Variants in PLAG1 observed in about 807,000 individuals in gnomAD.
PLAG1 encodes zinc finger protein PLAG1.
A neutral mutation model predicts 35.5 loss-of-function variants in PLAG1; 7 were observed. The observed-to-expected ratio is 0.20, with a 90% CI of 0.11 to 0.37. The LOEUF is 0.37. Ranked by LOEUF, PLAG1 falls within the 10% of genes least tolerant of loss-of-function variation. PLAG1 has a pLI of 1.00. For missense variants in PLAG1, 454 were observed against 602.8 expected, an observed-to-expected ratio of 0.75 and a Z score of 2.58; for synonymous variants, 229 against 225.4, an observed-to-expected ratio of 1.02 and a Z score of -0.14.
At chr8:56,175,547 A>G (rs1242749571) in intron 2 of PLAG1, among the ~76,000 whole-genome samples, 1 of 152,234 alleles carries the variant, frequency 6.6e-6, no homozygotes, top group East Asian at 1.9e-4. Context: ...ATAGTTAACT[A>G]AAGTTAATCA....
chr8:56,201,461 T>C (rs2129234353), intron 1 of PLAG1, among the ~76,000 whole-genome samples: 1 of 152,326 alleles, frequency 6.6e-6, no homozygotes, highest in African/African-American at 2.4e-5. Flanking sequence ...TTGATAAATT[T>C]CCCCAATTCC....
chr8:56,199,797 C>G (rs968837479), intron 1 of PLAG1, among the ~76,000 whole-genome samples: 1 of 152,128 alleles, frequency 6.6e-6, no homozygotes, highest in Non-Finnish European at 1.5e-5. Context: ...AAAGAGGGCA[C>G]TGACAGTCCC....
chr8:56,167,457 A>C lies in PLAG1; in HGVS notation c.289T>G (p.Cys97Gly). 1 of 1,612,714 alleles carries C rather than the reference A, an allele frequency of 6.2e-7. No homozygotes were observed. The highest frequency in any genetic ancestry group is 8.5e-7 in the Non-Finnish European group (1 of 1,179,186). Residue 97 changes from cysteine to glycine, a missense_variant, in exon 5 of 5, where the codon TGT (cysteine) becomes GGT (glycine). Physicochemically the swap from Cys to Gly is radical, Grantham distance 159. Coordinates refer to ENST00000316981, the MANE Select transcript of PLAG1 (RefSeq NM_002655.3). The surrounding 1 kb of genome is among the most constrained non-coding windows in gnomAD (Gnocchi z 5.9). ...SPEKTHKCNY[C>G]EKMFHRKDHL... ...TCTTTCCGGTGAAACATTTTCTCAC[A>C]ATAATTACACTTGTGGGTTTTCTCA... is the stretch of plus-strand genomic sequence containing the variant.
chr8:56,179,023 CAAAAA>C (rs1173709224), intron 2 of PLAG1, among the ~76,000 whole-genome samples: 2 of 42,942 alleles, frequency 4.7e-5, no homozygotes, highest in Admixed American at 3.0e-4. Flanking sequence ...GCCCAGGAGA[CAAAAA>C]AAAAAAAAAA....
At chr8:56,205,553 G>T (rs2129235601) in intron 1 of PLAG1, among the ~76,000 whole-genome samples, 1 of 151,688 alleles carries the variant, frequency 6.6e-6, no homozygotes, top group Admixed American at 6.6e-5. Context: ...CTTGTAGTTG[G>T]TTATTATTTA....
intron 2 of PLAG1, among the ~76,000 whole-genome samples, chr8:56,176,109 G>A (rs1811684410): frequency 6.7e-6 from 1 of 150,324 alleles, no homozygotes; most frequent in African/African-American, 2.5e-5. Context: ...GAGTACAGTG[G>A]TGCAATCTCG....
intron 1 of PLAG1, among the ~76,000 whole-genome samples, chr8:56,202,960 A>C (rs1299596186): frequency 6.6e-6 from 1 of 152,194 alleles, no homozygotes; most frequent in Non-Finnish European, 1.5e-5. Flanking sequence ...GTACTTAAAA[A>C]ATTGAAATAC....
rs746604920 is a variant in PLAG1 at position 56,166,337 on chromosome 8, A to G, written c.1409T>C (p.Ile470Thr). 1.2e-6 allele frequency: 2 copies of G among 1,613,824 alleles called. No homozygotes were observed. The highest frequency in any genetic ancestry group is 1.1e-5 in the South Asian group (1 of 91,072). ...TQDLQDPANT[I>T]GLGSLHSLSA... ...CAGTGAGTGCAGAGACCCAAGCCCTATAGTGTTTGCAGGATCCTGAAGATC... is the reference window on the plus strand; with the variant it reads ...CAGTGAGTGCAGAGACCCAAGCCCTGTAGTGTTTGCAGGATCCTGAAGATC... Residue 470 changes from isoleucine to threonine, a missense_variant, in exon 5 of 5, where the codon ATA becomes ACA. Ile to Thr is a moderately conservative substitution (Grantham distance 89, BLOSUM62 -1). Transcript: ENST00000316981.
chr8:56,189,779 C>T (rs1812128776), intron 1 of PLAG1, among the ~76,000 whole-genome samples: 1 of 152,084 alleles, frequency 6.6e-6, no homozygotes. Context: ...TGGGCCTGCA[C>T]AGGTGAGGCT....
chr8:56,182,144 C>T (rs1413931397), intron 1 of PLAG1, among the ~76,000 whole-genome samples: 5 of 152,194 alleles, frequency 3.3e-5, no homozygotes, highest in African/African-American at 1.2e-4. Context: ...GCACTGAGAA[C>T]AGCAAATGCT....
intron 1 of PLAG1, among the ~76,000 whole-genome samples, chr8:56,180,016 CA>C (rs1563380518): frequency 6.6e-6 from 1 of 152,122 alleles, no homozygotes; most frequent in Non-Finnish European, 1.5e-5. Flanking sequence ...GAGCCAGGGA[CA>C]ATTTCTGAGC....
At position 56,171,182 on chromosome 8, in the gene PLAG1, T is replaced by C. The variant is rs956273638; in HGVS notation, c.-209A>G. On this transcript the variant is annotated 5_prime_UTR_variant, in exon 3 of 5. Coordinates refer to ENST00000316981, the MANE Select transcript of PLAG1 (RefSeq NM_002655.3). ...GAGTGGAATCCAATCCTTCCCATTT[T>C]GGCCAATCTATGAAAAAAAAGTGAA... 7.2e-5 allele frequency: 69 copies of C among 965,008 alleles called. No homozygotes were observed. Among genetic ancestry groups the C allele is most frequent in the Middle Eastern group, 1.1e-3 (2 of 1,882 alleles). 59.8% of individuals were successfully genotyped at this position (965,008 alleles called of 1,614,324 possible).
Position 56,165,127 on chromosome 8 carries a change from A to G in PLAG1, c.*1116T>C, listed in dbSNP as rs1251852926. On this transcript the variant is annotated 3_prime_UTR_variant, in exon 5 of 5. Transcript: ENST00000316981. ...CATATCAAATTCAGCAAGAAATGAT[A>G]TAAGCGATATGCTTTTACTTTACTT... The G allele has an allele frequency of 1.4e-5, 3 of 209,774 alleles. No individual in the cohort carries two copies. The highest frequency in any genetic ancestry group is 2.3e-5 in the African/African-American group (1 of 44,042). The allele number at this position is 209,774 out of a possible 1,614,324, so 13.0% of individuals were successfully genotyped here.
Position 56,168,023 on chromosome 8 carries a change from A to T in PLAG1, c.242+5T>A. ...ATAATCTGAAAGACAAATAGAGTTT[A>T]ATACCTTTGTAATTTGTACTTAGAA... is the stretch of plus-strand genomic sequence containing the variant. On this transcript the variant is annotated splice_donor_5th_base_variant and intron_variant, in intron 4 of 4. Coordinates refer to ENST00000316981, the MANE Select transcript of PLAG1 (RefSeq NM_002655.3). 1 of 1,437,274 alleles carries T rather than the reference A, an allele frequency of 7.0e-7. No individual in the cohort carries two copies. The highest frequency in any genetic ancestry group is 9.7e-7 in the Non-Finnish European group (1 of 1,031,022). 89.0% of individuals were successfully genotyped at this position (1,437,274 alleles called of 1,614,324 possible). A position where few individuals can be genotyped will look rare whatever the true frequency, so the allele number is the denominator to read the frequency against.
chr8:56,202,755 T>C (rs1035559875), intron 1 of PLAG1, among the ~76,000 whole-genome samples: 4 of 152,206 alleles, frequency 2.6e-5, no homozygotes, highest in African/African-American at 9.6e-5. Context: ...CAGGCTATGA[T>C]TAAAAGTGCT....
chr8:56,184,214 A>G (rs1330665512), intron 1 of PLAG1, among the ~76,000 whole-genome samples: 1 of 152,208 alleles, frequency 6.6e-6, no homozygotes, highest in Non-Finnish European at 1.5e-5. Flanking sequence ...AAATATATGA[A>G]TGGTAAAGGA....
chr8:56,162,855 AAG>A lies in PLAG1; in HGVS notation c.*3386_*3387del. On this transcript the variant is annotated 3_prime_UTR_variant, in exon 5 of 5. Coordinates refer to ENST00000316981, the MANE Select transcript of PLAG1 (RefSeq NM_002655.3). Reference sequence around the variant, plus strand: ...ATATCACTATATTCCACAAATGACTAAGAAAAATAAAGCACAAGCAACAAATA... The same window carrying A: ...ATATCACTATATTCCACAAATGACTAAAAAATAAAGCACAAGCAACAAATA... 1 of 215,872 alleles carries A rather than the reference AAG, an allele frequency of 4.6e-6. No individual in the cohort carries two copies. Among genetic ancestry groups the A allele is most frequent in the East Asian group, 6.9e-5 (1 of 14,594 alleles). 13.4% of individuals were successfully genotyped at this position (215,872 alleles called of 1,614,324 possible). A position where few individuals can be genotyped will look rare whatever the true frequency, so the allele number is the denominator to read the frequency against.
In PLAG1 at chr8:56,161,182, A is replaced by G. The variant is rs1025091272; in HGVS notation, c.*5061T>C. 2.6e-5 allele frequency: 5 copies of G among 194,448 alleles called. No individual in the cohort carries two copies. The highest frequency in any genetic ancestry group is 6.1e-5 in the Admixed American group (1 of 16,426). 12.0% of individuals were successfully genotyped at this position (194,448 alleles called of 1,614,324 possible). On this transcript the variant is annotated 3_prime_UTR_variant, in exon 5 of 5. Coordinates refer to ENST00000316981, the MANE Select transcript of PLAG1 (RefSeq NM_002655.3). Reference sequence around the variant, plus strand: ...TATGATCTTTGTCTATATTTTATACAAATACAACAGTAGTTTGTGAATACA... The same window carrying G: ...TATGATCTTTGTCTATATTTTATACGAATACAACAGTAGTTTGTGAATACA...
chr8:56,197,951 A>G (rs1812433340), intron 1 of PLAG1, among the ~76,000 whole-genome samples: 1 of 152,106 alleles, frequency 6.6e-6, no homozygotes. Context: ...GCTGTTCCAC[A>G]CTTCACAATT....
Sources: allele counts gnomAD v4.1 joint callset (sites outside exome capture counted in the v4.1 genomes callset), GRCh38; gene constraint gnomAD v4.1.1; non-coding constraint Gnocchi (gnomAD v3.1); transcripts MANE v1.5; gene names NCBI Gene and HGNC (gene_info 2026-07-23, HGNC 2026-07-21).